The following GPHN variants were observed in gnomAD, a reference collection of about 807,000 sequenced individuals.
The protein encoded by GPHN is gephyrin.
In GPHN, 17 loss-of-function variants were observed where a neutral mutation model predicts 95.5. That is an observed-to-expected ratio of 0.18 (90% CI 0.12 to 0.27). GPHN has a LOEUF of 0.27. Ranked by LOEUF, GPHN falls within the 10% of genes least tolerant of loss-of-function variation. The pLI is 1.00. For synonymous variants in GPHN, 320 were observed against 322.5 expected (o/e 0.99, Z 0.08); for missense variants, 660 against 978.1 (o/e 0.67, Z 4.34).
chr14:67,427,476 G>T, the GPHN span, among the ~76,000 whole-genome samples: 1 of 152,094 alleles, frequency 6.6e-6, no homozygotes, highest in Admixed American at 6.5e-5. Flanking sequence ...CTTTGTCAGG[G>T]GCTTCCGTCG....
At chr14:67,213,623 T>A in the GPHN span, among the ~76,000 whole-genome samples, 2 of 152,076 alleles carry the variant, frequency 1.3e-5, no homozygotes, top group Admixed American at 6.6e-5. Context: ...CACAATAAAC[T>A]TACGTGTGCA....
chr14:66,987,778 A>T (rs1020310691), intron 9 of GPHN, among the ~76,000 whole-genome samples: 1 of 152,130 alleles, frequency 6.6e-6, no homozygotes, highest in Non-Finnish European at 1.5e-5. Context: ...TTTGTTGAGC[A>T]TGCATTCTTA....
At chr14:66,625,844 A>G (rs1328371220) in intron 1 of GPHN, among the ~76,000 whole-genome samples, 1 of 152,180 alleles carries the variant, frequency 6.6e-6, no homozygotes, top group African/African-American at 2.4e-5. Flanking sequence ...TTATATGCAG[A>G]TTTATATTTA....
the GPHN span, chr14:67,388,316 G>A: frequency 2.7e-5 from 42 of 1,568,362 alleles, no homozygotes; most frequent in African/African-American, 5.1e-4. Context: ...TAGAGGAAAG[G>A]AGACCCAATT....
chr14:66,620,233 G>A (rs2063235179), intron 1 of GPHN, among the ~76,000 whole-genome samples: 1 of 152,168 alleles, frequency 6.6e-6, no homozygotes, highest in Admixed American at 6.5e-5. Flanking sequence ...CTGCATAAAG[G>A]ATCCCTGAGG....
At chr14:66,989,591 T>C (rs1267799584) in intron 9 of GPHN, among the ~76,000 whole-genome samples, 1 of 151,510 alleles carries the variant, frequency 6.6e-6, no homozygotes, top group East Asian at 1.9e-4. Flanking sequence ...TCTGATTACC[T>C]TGTTTCTAAA....
chr14:67,286,238 T>C, the GPHN span, among the ~76,000 whole-genome samples: 1 of 152,180 alleles, frequency 6.6e-6, no homozygotes, highest in African/African-American at 2.4e-5. Context: ...CTAGCACATA[T>C]ATCAGTCTTT....
chr14:67,512,996 G>A, the GPHN span, among the ~76,000 whole-genome samples: 53,068 of 151,986 alleles, frequency 0.35, 10,137 homozygotes, highest in East Asian at 0.43. Flanking sequence ...TGATACAACC[G>A]AAATAAACAC....
At chr14:67,404,743 G>A in the GPHN span, among the ~76,000 whole-genome samples, 8 of 152,020 alleles carry the variant, frequency 5.3e-5, no homozygotes, top group Admixed American at 3.9e-4. Flanking sequence ...CTGGGAGGTC[G>A]AGGCTGCAGT....
intron 17 of GPHN, among the ~76,000 whole-genome samples, chr14:67,142,107 T>C (rs894249051): frequency 6.6e-6 from 1 of 152,170 alleles, no homozygotes; most frequent in Non-Finnish European, 1.5e-5. Context: ...GGTTACTCCC[T>C]TTTTAGTTGT....
chr14:66,975,061 A>G (rs906415609), intron 9 of GPHN, among the ~76,000 whole-genome samples: 20 of 152,156 alleles, frequency 1.3e-4, no homozygotes, highest in African/African-American at 4.8e-4. Context: ...CTTTTAACCT[A>G]TCTTGCTTAC....
intron 1 of GPHN, among the ~76,000 whole-genome samples, chr14:66,613,717 A>G (rs1034047443): frequency 2.0e-5 from 3 of 152,160 alleles, no homozygotes; most frequent in African/African-American, 7.2e-5. Flanking sequence ...AGTATTCACA[A>G]ATGTGCAATC....
chr14:67,298,370 T>G, the GPHN span, among the ~76,000 whole-genome samples: 12,089 of 151,670 alleles, frequency 0.08, 1,134 homozygotes, highest in African/African-American at 0.23. Flanking sequence ...AAAAAACTAG[T>G]TGGGTGTGGT....
At chr14:67,692,565 A>G in the GPHN span, 1 of 1,603,924 alleles carries the variant, frequency 6.2e-7, no homozygotes, top group South Asian at 1.1e-5. Context: ...CCTTTTCCAC[A>G]TCCCGGCAAG....
At chr14:66,612,060 T>C (rs539939324) in intron 1 of GPHN, among the ~76,000 whole-genome samples, 41 of 152,212 alleles carry the variant, frequency 2.7e-4, no homozygotes, top group African/African-American at 9.9e-4. Flanking sequence ...TAAACTGTTC[T>C]CTAAATAGCC....
intron 1 of GPHN, among the ~76,000 whole-genome samples, chr14:66,638,847 T>C (rs945150614): frequency 3.6e-4 from 55 of 152,146 alleles, no homozygotes; most frequent in African/African-American, 1.2e-3. Context: ...TAGAAGCAGA[T>C]CCTCATACTG....
intron 1 of GPHN, among the ~76,000 whole-genome samples, chr14:66,617,183 C>G (rs2063080979): frequency 1.3e-5 from 2 of 152,186 alleles, no homozygotes; most frequent in African/African-American, 4.8e-5. Context: ...GGGCTCAGGC[C>G]CCTACCCCAA....
the GPHN span, chr14:67,650,966 A>C: frequency 1.3e-6 from 2 of 1,572,922 alleles, no homozygotes; most frequent in Non-Finnish European, 1.7e-6. Context: ...TTCCAGAATT[A>C]TGAGGCATTG....
intron 3 of GPHN, among the ~76,000 whole-genome samples, chr14:66,795,076 C>CA (rs2060108494): frequency 6.6e-6 from 1 of 151,454 alleles, no homozygotes; most frequent in African/African-American, 2.4e-5. Flanking sequence ...CACCCTGTCT[C>CA]AAAAAAATAA....
Sources: gnomAD v4.1 joint callset for allele counts (sites outside exome capture counted in the v4.1 genomes callset) on GRCh38, gnomAD v4.1.1 for gene constraint, MANE v1.5 for transcripts, NCBI Gene and HGNC (gene_info 2026-07-23, HGNC 2026-07-21) for gene names.